CTDSP1: variants seen among roughly 807,000 people sequenced by gnomAD.
CTDSP1 encodes CTD small phosphatase 1.
A neutral mutation model predicts 32.5 loss-of-function variants in CTDSP1; 15 were observed. The ratio of observed to expected loss-of-function variants is 0.46; its 90% CI spans 0.31 to 0.71. The LOEUF is 0.71. Ranked by LOEUF, CTDSP1 falls within the 30% of genes least tolerant of loss-of-function variation. The pLI, the probability that CTDSP1 is intolerant of heterozygous loss-of-function variation, is 0.05. For missense variants in CTDSP1, 294 were observed against 351.1 expected (o/e 0.84, Z 1.30); for synonymous variants, 185 against 145.4 (o/e 1.27, Z -1.96).
At chr2:218,398,303 A>G, upstream of CTDSP1, 3 of 983,624 alleles carry the variant, frequency 3.0e-6, no homozygotes, top group East Asian at 5.8e-5. Context: ...TCATCTGTGA[A>G]ATGGGTTAAG....
At chr2:218,400,550 C>G in intron 1 of CTDSP1, 1 of 375,396 alleles carries the variant, frequency 2.7e-6, no homozygotes, top group African/African-American at 2.1e-5. Context: ...CCCCCCACCC[C>G]CACCCCCCCG....
At chr2:218,399,734 G>C (rs1167889685), upstream of CTDSP1, 20 of 1,006,558 alleles carry the variant, frequency 2.0e-5, no homozygotes, top group Non-Finnish European at 1.9e-5. Context: ...GCAGGAACCC[G>C]GCCCGGCCCG....
At chr2:218,399,780 T>C (rs540824794), upstream of CTDSP1, 2 of 1,072,340 alleles carry the variant, frequency 1.9e-6, no homozygotes, top group Non-Finnish European at 2.3e-6. Flanking sequence ...GTCCCAGAAG[T>C]GGCGAAAGCC....
chr2:218,401,670 C>A lies in CTDSP1; in HGVS notation c.174C>A (p.Ser58Arg), dbSNP rs2227250. Residue 58 changes from serine to arginine, a missense_variant, in exon 2 of 7, where the codon AGC (serine) becomes AGA (arginine). By Grantham distance (110) the Ser-to-Arg change is moderately radical. This residue lies in a region of CTDSP1 where 148 missense variants were observed against 113.3 expected (regional missense o/e 1.31). Coordinates refer to ENST00000273062, the MANE Select transcript of CTDSP1 (RefSeq NM_021198.3). The stretch of plus-strand genomic sequence containing the variant: ...ATGGGGAGGCCCTGCCTGCTCACAG[C>A]GGGGCGCCCCTGCTTGTGGAGGAGA... ...RDDGEALPAH[S>R]GAPLLVEENG... 6.2e-7 allele frequency: 1 copy of A among 1,604,742 alleles called. No homozygotes were observed. Among genetic ancestry groups the A allele is most frequent in the Non-Finnish European group, 8.5e-7 (1 of 1,175,512 alleles).
upstream of CTDSP1, among the ~76,000 whole-genome samples, chr2:218,397,900 T>G (rs1474105540): frequency 6.6e-6 from 1 of 152,132 alleles, no homozygotes; most frequent in Non-Finnish European, 1.5e-5. Context: ...TAGGTCTCCC[T>G]GGGAAAAGAA....
chr2:218,400,080 C>A lies in CTDSP1; in HGVS notation c.-11C>A. 6.9e-7 allele frequency: 1 copy of A among 1,454,138 alleles called. No individual in the cohort carries two copies. The highest frequency in any genetic ancestry group is 1.4e-5 in the South Asian group (1 of 72,498). 90.1% of individuals were successfully genotyped at this position (1,454,138 alleles called of 1,614,324 possible). On this transcript the variant is annotated 5_prime_UTR_variant, in exon 1 of 7. Coordinates refer to ENST00000273062, the MANE Select transcript of CTDSP1 (RefSeq NM_021198.3). ...GCCAGAGTCCGGCCGGAGCGGAGCGCGCCCGGCCCCATGGACAGCTCGGCC... is the reference window on the plus strand; with the variant it reads ...GCCAGAGTCCGGCCGGAGCGGAGCGAGCCCGGCCCCATGGACAGCTCGGCC...
At chr2:218,403,684 G>C in intron 6 of CTDSP1, 1 of 391,688 alleles carries the variant, frequency 2.6e-6, no homozygotes, top group Non-Finnish European at 4.6e-6. Context: ...TCAATTTTTC[G>C]AATTGCCAGT....
rs2227255 is a variant in CTDSP1, at chr2:218,403,058, C to T, written c.402C>T (p.His134=). Residue 134 remains histidine, a synonymous_variant, in exon 5 of 7, where the codon CAC becomes CAT. Coordinates refer to ENST00000273062, the MANE Select transcript of CTDSP1 (RefSeq NM_021198.3). ...VHQVYVLKRP[H]VDEFLQRMGE... ...AGGTCTACGTGTTGAAGCGTCCTCACGTGGATGAGTTCCTGCAGCGAATGG... is the reference window on the plus strand; with the variant it reads ...AGGTCTACGTGTTGAAGCGTCCTCATGTGGATGAGTTCCTGCAGCGAATGG... 0.58 allele frequency: 931,563 copies of T among 1,613,484 alleles called. 278,439 individuals carry two copies. Among genetic ancestry groups the T allele is most frequent in the East Asian group, 0.68 (30,437 of 44,844 alleles).
rs1697326311 is a variant in CTDSP1, at chr2:218,404,613, A to C, written c.*188A>C. ...GCAGCAGGCTGCACTGAGGACCGTGAGCTCCAGGCCCCGTGTCAGTGCCTT... is the reference window on the plus strand; with the variant it reads ...GCAGCAGGCTGCACTGAGGACCGTGCGCTCCAGGCCCCGTGTCAGTGCCTT... On this transcript the variant is annotated 3_prime_UTR_variant, in exon 7 of 7. Transcript: ENST00000273062. The C allele has an allele frequency of 1.6e-6, 1 of 639,464 alleles. No homozygotes were observed. The highest frequency in any genetic ancestry group is 2.6e-6 in the Non-Finnish European group (1 of 384,572). 39.6% of individuals were successfully genotyped at this position (639,464 alleles called of 1,614,324 possible).
At chr2:218,403,448 G>A in intron 6 of CTDSP1, 31 bp downstream of exon 6, 1 of 1,544,958 alleles carries the variant, frequency 6.5e-7, no homozygotes, top group Non-Finnish European at 8.7e-7. Flanking sequence ...GACTGGGACA[G>A]GAGCTGAGAC....
chr2:218,402,240 G>A, intron 3 of CTDSP1, 25 bp downstream of exon 3: 8 of 1,612,352 alleles, frequency 5.0e-6, no homozygotes, highest in Non-Finnish European at 5.9e-6. Flanking sequence ...ACAGCCCTCA[G>A]CCCGGGTCTC....
chr2:218,402,225 G>A lies in CTDSP1; in HGVS notation c.321+10G>A, dbSNP rs1475484962. On this transcript the variant is annotated intron_variant, in intron 3 of 6. Transcript: ENST00000273062. ...GCACAGCTCCTTCAAGGTGGGCCCT[G>A]CTCAACAGCCCTCAGCCCGGGTCTC... 4 of 1,612,990 alleles carry A rather than the reference G, an allele frequency of 2.5e-6. No homozygotes were observed. The South Asian group carries it at 4.4e-5, about 18-fold the overall frequency.
At chr2:218,398,838 A>G (rs1696954082), upstream of CTDSP1, 2 of 161,668 alleles carry the variant, frequency 1.2e-5, no homozygotes, top group Admixed American at 6.4e-5. Context: ...ACCAACCCGC[A>G]GACCCACGGC....
At chr2:218,402,972 A>G (rs1436748022) in intron 4 of CTDSP1, 63 bp from the exon 5 acceptor site, 3 of 1,260,156 alleles carry the variant, frequency 2.4e-6, no homozygotes, top group East Asian at 4.7e-5. Context: ...ATGCCCTGCC[A>G]GCCCTCGGCC....
At chr2:218,397,849 C>G (rs1371368574), upstream of CTDSP1, among the ~76,000 whole-genome samples, 1 of 152,172 alleles carries the variant, frequency 6.6e-6, no homozygotes, top group African/African-American at 2.4e-5. Flanking sequence ...AGGCAGAAGG[C>G]GCGGCTACCT....
upstream of CTDSP1, chr2:218,398,398 C>G: frequency 6.5e-7 from 1 of 1,535,256 alleles, no homozygotes; most frequent in Non-Finnish European, 8.7e-7. Flanking sequence ...GTGGCGATCA[C>G]GGTGATGAAG....
chr2:218,402,250 C>G (rs375845906), intron 3 of CTDSP1, 35 bp downstream of exon 3: 4 of 1,610,352 alleles, frequency 2.5e-6, no homozygotes, highest in Non-Finnish European at 3.4e-6. Context: ...GCCCGGGTCT[C>G]GGGGGGCATC....
intron 2 of CTDSP1, 28 bp downstream of exon 2, chr2:218,401,740 G>A: frequency 6.5e-7 from 1 of 1,530,350 alleles, no homozygotes; most frequent in Admixed American, 2.1e-5. Flanking sequence ...GGGGCCACGG[G>A]GGCACCTGGA....
chr2:218,402,711 C>G (rs752111841), intron 4 of CTDSP1: 2 of 759,932 alleles, frequency 2.6e-6, no homozygotes, highest in Non-Finnish European at 4.9e-6. Flanking sequence ...CATTACTTGG[C>G]TCGGGGACCG....
Sources: allele counts gnomAD v4.1 joint callset (sites outside exome capture counted in the v4.1 genomes callset), GRCh38; gene constraint gnomAD v4.1.1; regional missense constraint gnomAD v4.1.1; transcripts MANE v1.5; gene names NCBI Gene and HGNC (gene_info 2026-07-23, HGNC 2026-07-21).